ELMO2: variants seen among roughly 807,000 people sequenced by gnomAD.
ELMO2 encodes the protein engulfment and cell motility 2.
Under a neutral mutation model 96.2 loss-of-function variants are expected in ELMO2, and 37 were observed. The ratio of observed to expected loss-of-function variants is 0.38; its 90% confidence interval spans 0.30 to 0.51. The LOEUF (loss-of-function observed/expected upper bound fraction) is 0.51. ELMO2 is among the 20% of genes least tolerant of loss of function. ELMO2 has a pLI of 0.88. For missense variants in ELMO2, 561 were observed against 912.6 expected (o/e 0.61, Z 4.96); for synonymous variants, 315 against 329.4 (o/e 0.96, Z 0.47).
In ELMO2 at chr20:46,371,769, C is replaced by T; in HGVS notation, c.1580+37G>A. The T allele has an allele frequency of 3.1e-6, 5 of 1,613,812 alleles. No homozygotes were observed. Among genetic ancestry groups the T allele is most frequent in the South Asian group, 1.1e-5 (1 of 91,048 alleles). On this transcript the variant is annotated intron_variant, in intron 17 of 21. Coordinates refer to ENST00000290246, the MANE Select transcript of ELMO2 (RefSeq NM_133171.5). This position sits in a 1 kb window ranked among gnomAD's most constrained non-coding sequence, Gnocchi z 5.9. ...CTGGAAGGAAAGCAGAGCTGGCAGC[C>T]ACCTCCCCCGCCAGCCTCCCCTGAG...
chr20:46,399,885 G>C (rs1453978346), intron 1 of ELMO2, among the ~76,000 whole-genome samples: 4 of 152,200 alleles, frequency 2.6e-5, no homozygotes, highest in Admixed American at 6.5e-5. Context: ...TGTTTTGGCT[G>C]GGCGCAGTGG....
intron 16 of ELMO2, among the ~76,000 whole-genome samples, chr20:46,372,651 T>G (rs2059748519): frequency 6.6e-6 from 1 of 151,912 alleles, no homozygotes; most frequent in South Asian, 2.1e-4. Context: ...AACAAAAGAA[T>G]AGAAAGGCAA....
chr20:46,395,467 G>C (rs2060227275), intron 2 of ELMO2, among the ~76,000 whole-genome samples: 1 of 152,176 alleles, frequency 6.6e-6, no homozygotes, highest in South Asian at 2.1e-4. Context: ...CTCTCTTAAT[G>C]AAAAAGACCT....
intron 1 of ELMO2, among the ~76,000 whole-genome samples, chr20:46,405,871 G>A (rs1362454543): frequency 2.0e-5 from 3 of 152,144 alleles, no homozygotes; most frequent in Non-Finnish European, 2.9e-5. Flanking sequence ...GCGGCAGAGC[G>A]AGACTCCGTC....
Position 46,389,036 on chromosome 20 carries a change from C to A in ELMO2, c.425+3G>T. 6.2e-7 allele frequency: 1 copy of A among 1,612,826 alleles called. No individual in the cohort carries two copies. Among genetic ancestry groups the A allele is most frequent in the Non-Finnish European group, 8.5e-7 (1 of 1,179,172 alleles). ...CTTGGAACGAGACCTTAGTCATACT[C>A]ACTGGGACAAGAGCTTGGTTCCACT... On this transcript the variant is annotated splice_donor_region_variant and intron_variant, in intron 7 of 21. Coordinates refer to ENST00000290246, the MANE Select transcript of ELMO2 (RefSeq NM_133171.5).
intron 2 of ELMO2, among the ~76,000 whole-genome samples, chr20:46,396,170 A>G (rs1690048437): frequency 6.6e-6 from 1 of 152,230 alleles, no homozygotes; most frequent in Non-Finnish European, 1.5e-5. Flanking sequence ...AACCTCAGAA[A>G]AGAAACTGGC....
At chr20:46,377,313 C>A (rs1199969971) in intron 11 of ELMO2, among the ~76,000 whole-genome samples, 1 of 152,198 alleles carries the variant, frequency 6.6e-6, no homozygotes, top group African/African-American at 2.4e-5. Flanking sequence ...TTTTCGATAT[C>A]ATGGGCTGAA....
At position 46,376,872 on chromosome 20, in the gene ELMO2, A is replaced by T. The variant is rs1315406968; in HGVS notation, c.808-1082T>A. 1.2e-5 allele frequency: 14 copies of T among 1,193,624 alleles called. 1 individual carries two copies. The highest frequency in any genetic ancestry group is 1.5e-5 in the Non-Finnish European group (14 of 935,024). The allele number at this position is 1,193,624 out of a possible 1,614,324, so 73.9% of individuals were successfully genotyped here. ...AGCCATATGCAGCTATTTGCATTTA[A>T]ATCAGTTAAAACAAATTTAAGTTGA... On this transcript the variant is annotated intron_variant, in intron 11 of 21. Transcript: ENST00000290246.
In ELMO2 at chr20:46,375,162, C is replaced by G; in HGVS notation, c.1065+74G>C. 2 of 1,545,548 alleles carry G rather than the reference C, an allele frequency of 1.3e-6. No individual in the cohort carries two copies. Among genetic ancestry groups the G allele is most frequent in the Non-Finnish European group, 1.7e-6 (2 of 1,146,788 alleles). ...GCCACCATGGGGTTGGTTGTCAGAG[C>G]TCTGTCTGGGTGGGACCATTGACTT... On this transcript the variant is annotated intron_variant, in intron 13 of 21. Coordinates refer to ENST00000290246, the MANE Select transcript of ELMO2 (RefSeq NM_133171.5). The surrounding 1 kb of genome is among the most constrained non-coding windows in gnomAD (Gnocchi z 4.6).
At position 46,375,166 on chromosome 20, in the gene ELMO2, G is replaced by A; in HGVS notation, c.1065+70C>T. 6.4e-7 allele frequency: 1 copy of A among 1,562,792 alleles called. No homozygotes were observed. The highest frequency in any genetic ancestry group is 1.3e-5 in the African/African-American group (1 of 74,170). On this transcript the variant is annotated intron_variant, in intron 13 of 21. Transcript: ENST00000290246. The surrounding 1 kb of genome is among the most constrained non-coding windows in gnomAD (Gnocchi z 4.6). ...CCATGGGGTTGGTTGTCAGAGCTCTGTCTGGGTGGGACCATTGACTTCCCA... is the reference window on the plus strand; with the variant it reads ...CCATGGGGTTGGTTGTCAGAGCTCTATCTGGGTGGGACCATTGACTTCCCA...
At chr20:46,386,007 G>T in intron 9 of ELMO2, 117 bp downstream of exon 9, 1 of 1,196,766 alleles carries the variant, frequency 8.4e-7, no homozygotes, top group Admixed American at 2.5e-5. Context: ...GATGAATGAA[G>T]AAGCCAACCA....
chr20:46,375,139 C>T lies in ELMO2; in HGVS notation c.1065+97G>A. The T allele has an allele frequency of 6.8e-7, 1 of 1,476,842 alleles. No homozygotes were observed. Among genetic ancestry groups the T allele is most frequent in the South Asian group, 1.3e-5 (1 of 77,304 alleles). 91.5% of individuals were successfully genotyped at this position (1,476,842 alleles called of 1,614,324 possible). On this transcript the variant is annotated intron_variant, in intron 13 of 21. Coordinates refer to ENST00000290246, the MANE Select transcript of ELMO2 (RefSeq NM_133171.5). This position sits in a 1 kb window ranked among gnomAD's most constrained non-coding sequence, Gnocchi z 4.6. Reference sequence around the variant, plus strand: ...TCCTAACTGTCATCTATTCCAGGGCCACCATGGGGTTGGTTGTCAGAGCTC... The same window carrying T: ...TCCTAACTGTCATCTATTCCAGGGCTACCATGGGGTTGGTTGTCAGAGCTC...
intron 20 of ELMO2, chr20:46,370,050 A>C (rs949147379): frequency 1.4e-5 from 5 of 363,636 alleles, no homozygotes; most frequent in African/African-American, 2.1e-5. Context: ...TATGACATTT[A>C]TAAGACAATT....
At chr20:46,400,906 A>G (rs1055492789) in intron 1 of ELMO2, among the ~76,000 whole-genome samples, 5 of 152,234 alleles carry the variant, frequency 3.3e-5, no homozygotes, top group African/African-American at 1.2e-4. Flanking sequence ...TTCTGAGAGC[A>G]GGATTGGAAA....
At chr20:46,395,635 C>A (rs1427074956) in intron 2 of ELMO2, among the ~76,000 whole-genome samples, 1 of 152,196 alleles carries the variant, frequency 6.6e-6, no homozygotes. Context: ...TTCTCACAGC[C>A]TGGTAAGTAT....
chr20:46,390,097 G>A (rs1373804469), intron 6 of ELMO2, among the ~76,000 whole-genome samples: 1 of 152,090 alleles, frequency 6.6e-6, no homozygotes, highest in East Asian at 1.9e-4. Flanking sequence ...AGGCTGCAGT[G>A]AGCCAAGATC....
chr20:46,404,684 C>T (rs2060395927), intron 1 of ELMO2, among the ~76,000 whole-genome samples: 1 of 152,210 alleles, frequency 6.6e-6, no homozygotes, highest in Non-Finnish European at 1.5e-5. Flanking sequence ...GTGGCACAGG[C>T]TGCCCTCTGT....
rs1247366243 is a variant in ELMO2 at position 46,375,187 on chromosome 20, T to G, written c.1065+49A>C. On this transcript the variant is annotated intron_variant, in intron 13 of 21. Transcript: ENST00000290246. This position sits in a 1 kb window ranked among gnomAD's most constrained non-coding sequence, Gnocchi z 4.6. ...CTCTGTCTGGGTGGGACCATTGACTTCCCATCAGGGGAGAGGGCCTACCAC... is the reference window on the plus strand; with the variant it reads ...CTCTGTCTGGGTGGGACCATTGACTGCCCATCAGGGGAGAGGGCCTACCAC... The G allele has an allele frequency of 1.9e-6, 3 of 1,589,932 alleles. No homozygotes were observed. The highest frequency in any genetic ancestry group is 1.3e-5 in the African/African-American group (1 of 74,612).
intron 15 of ELMO2, 39 bp downstream of exon 15, chr20:46,374,293 C>T (rs1166263289): frequency 1.9e-6 from 3 of 1,542,114 alleles, no homozygotes; most frequent in Non-Finnish European, 2.7e-6. Flanking sequence ...CTCTTGATGA[C>T]AAGGAATGGC....
Sources: gnomAD v4.1 joint callset for allele counts (sites outside exome capture counted in the v4.1 genomes callset) on GRCh38, gnomAD v4.1.1 for gene constraint, Gnocchi (gnomAD v3.1) non-coding constraint, MANE v1.5 for transcripts, NCBI Gene and HGNC (gene_info 2026-07-23, HGNC 2026-07-21) for gene names.